The following THSD7B variants were observed in gnomAD, a reference collection of about 807,000 sequenced individuals.
THSD7B encodes thrombospondin type-1 domain-containing protein 7B.
In THSD7B, 138 loss-of-function variants were observed where a neutral mutation model predicts 213.6. The ratio of observed to expected loss-of-function variants is 0.65; its 90% CI spans 0.56 to 0.74. The LOEUF (loss-of-function observed/expected upper bound fraction) is 0.74, where lower values mean the gene tolerates loss of function less well. THSD7B is among the 30% of genes least tolerant of loss of function. The pLI, the probability that THSD7B is intolerant of heterozygous loss-of-function variation, is 0.00. For missense variants in THSD7B, 1,931 were observed against 1,991.5 expected (o/e 0.97, Z 0.58); for synonymous variants, 742 against 687.0 (o/e 1.08, Z -1.25).
intron 12 of THSD7B, among the ~76,000 whole-genome samples, chr2:137,370,043 T>C (rs1685509570): frequency 6.6e-6 from 1 of 152,190 alleles, no homozygotes; most frequent in African/African-American, 2.4e-5. Context: ...ATAGGTGGAC[T>C]ATCTGGAGGA....
Position 137,242,450 on chromosome 2 carries a change from T to C in THSD7B, c.2151-7T>C. ...AAGGCATTGACATGGTCTTTTCACA[T>C]TGACAGATGTCCAGATTCTACTCGA... On this transcript the variant is annotated splice_polypyrimidine_tract_variant and splice_region_variant and intron_variant, in intron 9 of 27. Coordinates refer to ENST00000409968, the MANE Select transcript of THSD7B (RefSeq NM_001316349.2). 3 of 1,609,984 alleles carry C rather than the reference T, an allele frequency of 1.9e-6. No individual in the cohort carries two copies. The highest frequency in any genetic ancestry group is 2.6e-6 in the Non-Finnish European group (3 of 1,176,316).
At chr2:137,252,047 C>T (rs1682190492) in intron 10 of THSD7B, among the ~76,000 whole-genome samples, 1 of 151,964 alleles carries the variant, frequency 6.6e-6, no homozygotes. Context: ...GTGGGTGGAT[C>T]ATGAGGTCAG....
chr2:137,404,502 CACACAT>C (rs1470705781), intron 12 of THSD7B, among the ~76,000 whole-genome samples: 3,918 of 138,818 alleles, frequency 0.028, 83 homozygotes, highest in Non-Finnish European at 0.041. Flanking sequence ...CACACACACA[CACACAT>C]ATATGTATAT....
chr2:136,836,582 A>T (rs1034981348), intron 1 of THSD7B, among the ~76,000 whole-genome samples: 1 of 152,164 alleles, frequency 6.6e-6, no homozygotes, highest in Non-Finnish European at 1.5e-5. Flanking sequence ...CTAGATCCCC[A>T]TGCTATGTTG....
At chr2:137,583,129 A>C (rs955359323) in intron 17 of THSD7B, among the ~76,000 whole-genome samples, 1 of 152,132 alleles carries the variant, frequency 6.6e-6, no homozygotes, top group African/African-American at 2.4e-5. Context: ...TTGGCTGCAT[A>C]AAATGTCTTC....
intron 7 of THSD7B, among the ~76,000 whole-genome samples, chr2:137,185,022 A>G (rs897240923): frequency 6.6e-6 from 1 of 152,154 alleles, no homozygotes; most frequent in African/African-American, 2.4e-5. Flanking sequence ...TCTCTCAGGT[A>G]TCACAACAAA....
At chr2:136,866,676 C>T (rs778182) in intron 1 of THSD7B, among the ~76,000 whole-genome samples, 65,005 of 152,020 alleles carry the variant, frequency 0.43, 14,713 homozygotes, top group Middle Eastern at 0.69. Flanking sequence ...TAATTTTTAA[C>T]GTATGGTTAC....
At chr2:137,034,005 G>A (rs1417319964) in intron 2 of THSD7B, among the ~76,000 whole-genome samples, 1 of 149,008 alleles carries the variant, frequency 6.7e-6, no homozygotes, top group Non-Finnish European at 1.5e-5. Flanking sequence ...ATGTCCAAGT[G>A]TTCTCATTGT....
intron 2 of THSD7B, among the ~76,000 whole-genome samples, chr2:136,941,588 G>T (rs566818135): frequency 6.6e-6 from 1 of 152,292 alleles, no homozygotes; most frequent in Non-Finnish European, 1.5e-5. Flanking sequence ...GTTTTGATTT[G>T]CATTTCTCTG....
rs920452978 is a variant in THSD7B at position 137,648,001 on chromosome 2, T to A, written c.3945+5368T>A. On this transcript the variant is annotated intron_variant, in intron 21 of 27. Transcript: ENST00000409968. ...GCTATCAACTGAAGTTATCCAAATATCTAATAGACTTCTTTGAAGTGTGAA... is the reference window on the plus strand; with the variant it reads ...GCTATCAACTGAAGTTATCCAAATAACTAATAGACTTCTTTGAAGTGTGAA... Among the ~76,000 whole-genome samples, 13 of 152,322 alleles carry A rather than the reference T, an allele frequency of 8.5e-5. No homozygotes were observed. The South Asian group carries it at 1.2e-3, about 15-fold the overall frequency.
chr2:136,776,871 C>T (rs533652819), intron 1 of THSD7B, among the ~76,000 whole-genome samples: 38 of 152,132 alleles, frequency 2.5e-4, no homozygotes, highest in African/African-American at 8.9e-4. Flanking sequence ...CACACACACA[C>T]ACATACAACC....
intron 5 of THSD7B, among the ~76,000 whole-genome samples, chr2:137,129,961 T>C (rs1007395461): frequency 2.0e-5 from 3 of 152,218 alleles, no homozygotes; most frequent in African/African-American, 7.2e-5. Context: ...TATTTCAGTA[T>C]ACTTGACATT....
chr2:137,607,545 A>G (rs889856252), intron 17 of THSD7B, among the ~76,000 whole-genome samples: 5 of 152,184 alleles, frequency 3.3e-5, no homozygotes, highest in African/African-American at 1.2e-4. Flanking sequence ...ATGGGTCGCA[A>G]TAATGTCCTT....
chr2:136,858,547 G>A (rs1227448930), intron 1 of THSD7B, among the ~76,000 whole-genome samples: 1 of 152,174 alleles, frequency 6.6e-6, no homozygotes, highest in Non-Finnish European at 1.5e-5. Flanking sequence ...TATTTAGATA[G>A]TGATACTTTA....
At chr2:137,233,930 C>T (rs1438764328) in intron 9 of THSD7B, among the ~76,000 whole-genome samples, 1 of 152,150 alleles carries the variant, frequency 6.6e-6, no homozygotes, top group Non-Finnish European at 1.5e-5. Context: ...TTTGGAGACC[C>T]CACTCCAGGC....
At position 137,554,948 on chromosome 2, in the gene THSD7B, C is replaced by T. The variant is rs374681383; in HGVS notation, c.3139-8273C>T. Among the ~76,000 whole-genome samples, 72 of 152,320 alleles carry T rather than the reference C, an allele frequency of 4.7e-4. 4 individuals are homozygous for T. The South Asian group carries it at 0.015, about 31-fold the overall frequency. On this transcript the variant is annotated intron_variant, in intron 15 of 27. Transcript: ENST00000409968. ...CATGCTCAGGGAGCCCCGCTCACTG[C>T]TAGCACAGCAGTCTGAGATCAAACT...
chr2:137,473,972 G>C (rs1688145128), intron 15 of THSD7B, among the ~76,000 whole-genome samples: 2 of 152,164 alleles, frequency 1.3e-5, no homozygotes, highest in Non-Finnish European at 1.5e-5. Context: ...TCTTAGATGT[G>C]CCACGTTAGT....
chr2:136,888,541 C>T (rs923829480), intron 2 of THSD7B, among the ~76,000 whole-genome samples: 2 of 151,780 alleles, frequency 1.3e-5, no homozygotes, highest in Admixed American at 1.3e-4. Context: ...AAATTTTTTT[C>T]TGGAAATTTT....
rs150354300 is a variant in THSD7B, at chr2:137,501,420, A to C, written c.3138+50397A>C. Among the ~76,000 whole-genome samples, 4 of 107,754 alleles carry C rather than the reference A, an allele frequency of 3.7e-5. No individual in the cohort carries two copies. The East Asian group carries it at 8.8e-4, about 24-fold the overall frequency. The allele number at this position is 107,754 out of a possible 152,430, so 70.7% of individuals were successfully genotyped here. On this transcript the variant is annotated intron_variant, in intron 15 of 27. Transcript: ENST00000409968. ...TCAATATTACATTGAGGGGTTCTGC[A>C]TCCACTTTTTGAAAAAAAAAATTTG...
Sources: allele counts gnomAD v4.1 joint callset (sites outside exome capture counted in the v4.1 genomes callset), GRCh38; gene constraint gnomAD v4.1.1; transcripts MANE v1.5; gene names NCBI Gene and HGNC (gene_info 2026-07-23, HGNC 2026-07-21).